STK31: variants seen among roughly 807,000 people sequenced by gnomAD.
STK31 encodes the protein serine/threonine kinase 31.
A neutral mutation model predicts 129.7 loss-of-function variants in STK31; 89 were observed. The ratio of observed to expected loss-of-function variants is 0.69; its 90% CI spans 0.58 to 0.82. The LOEUF (loss-of-function observed/expected upper bound fraction) is 0.82, where lower values mean the gene tolerates loss of function less well. Among genes scored for constraint, STK31 ranks in the 40% least tolerant of loss-of-function variants. The pLI is 0.00. For missense variants in STK31, 1,187 were observed against 1,176.4 expected, an observed-to-expected ratio of 1.01 and a Z score of -0.13; for synonymous variants, 448 against 395.3, an observed-to-expected ratio of 1.13 and a Z score of -1.58.
At position 23,808,943 on chromosome 7, in the gene STK31, T is replaced by TTGTGTGTGTGTGTGTGTGTGTG. The variant is rs1554297249; in HGVS notation, c.2761-6194_2761-6173dup. Among the ~76,000 whole-genome samples the TTGTGTGTGTGTGTGTGTGTGTG allele has an allele frequency of 1.3e-3, 113 of 84,512 alleles. 1 individual carries two copies. In the Middle Eastern group the frequency reaches 0.015, roughly 12 times the overall value. 55.4% of individuals were successfully genotyped at this position (84,512 alleles called of 152,430 possible). A position where few individuals can be genotyped will look rare whatever the true frequency, so the allele number is the denominator to read the frequency against. On this transcript the variant is annotated intron_variant, in intron 22 of 23. Coordinates refer to ENST00000355870, the MANE Select transcript of STK31 (RefSeq NM_031414.5). ...AGGAAGCAGGCTTTTCTTGGAGCTT[T>TTGTGTGTGTGTGTGTGTGTGTG]TGTGTGTGTGTGTGTGTGTGTGTGT...
intron 15 of STK31, among the ~76,000 whole-genome samples, chr7:23,780,192 A>G (rs1405931308): frequency 6.6e-6 from 1 of 151,912 alleles, no homozygotes; most frequent in East Asian, 1.9e-4. Flanking sequence ...TCCCAGTGAG[A>G]TAAGCCGGGT....
At chr7:23,775,218 T>A (rs1790462544) in intron 15 of STK31, among the ~76,000 whole-genome samples, 1 of 152,216 alleles carries the variant, frequency 6.6e-6, no homozygotes, top group African/African-American at 2.4e-5. Flanking sequence ...ACCATGCTGT[T>A]TTGGTTACTG....
At chr7:23,710,113 C>G (rs967697205), upstream of STK31, 2 of 1,152,612 alleles carry the variant, frequency 1.7e-6, no homozygotes, top group South Asian at 3.0e-5. Context: ...CGTCAGGCGG[C>G]TCCCGCACGC....
At chr7:23,795,886 A>G (rs979247384) in intron 22 of STK31, among the ~76,000 whole-genome samples, 1 of 152,230 alleles carries the variant, frequency 6.6e-6, no homozygotes, top group African/African-American at 2.4e-5. Context: ...CCTGTACCCC[A>G]TTGTATCAAG....
At chr7:23,811,521 G>T in intron 22 of STK31, 1 of 279,406 alleles carries the variant, frequency 3.6e-6, no homozygotes, top group South Asian at 4.8e-5. Context: ...CCACCAATGA[G>T]CAAGTCATCA....
chr7:23,756,134 A>G (rs1789068377), intron 10 of STK31, among the ~76,000 whole-genome samples: 1 of 152,162 alleles, frequency 6.6e-6, no homozygotes, highest in South Asian at 2.1e-4. Flanking sequence ...ATGAGGATGG[A>G]ATATTTTTCC....
chr7:23,783,630 G>C lies in STK31; in HGVS notation c.2115G>C (p.Leu705=), dbSNP rs776235517. 3 of 1,612,056 alleles carry C rather than the reference G, an allele frequency of 1.9e-6. No homozygotes were observed. The highest frequency in any genetic ancestry group is 2.2e-5 in the East Asian group (1 of 44,786). The stretch of plus-strand genomic sequence containing the variant: ...AGAAATGGTTCCCTGAGCTGCCTCT[G>C]CTTCATCCTGAAATAGGATTACTCA... ...LAQKWFPELP[L]LHPEIGLLKY... Residue 705 remains leucine, a synonymous_variant, in exon 17 of 24, where the codon CTG becomes CTC. Transcript: ENST00000355870.
intron 4 of STK31, among the ~76,000 whole-genome samples, chr7:23,718,105 T>C (rs972593523): frequency 2.0e-5 from 3 of 152,170 alleles, no homozygotes; most frequent in Non-Finnish European, 4.4e-5. Context: ...TTTTATGTTA[T>C]GTATAGTTTA....
rs537953691 is a variant in STK31, at chr7:23,831,692, C to T, written c.2830-444C>T. On this transcript the variant is annotated intron_variant, in intron 23 of 23. Coordinates refer to ENST00000355870, the MANE Select transcript of STK31 (RefSeq NM_031414.5). Reference sequence around the variant, plus strand: ...TCATTGTGGTTTGGTGGTTTTCTGTCGTGGTAACACTTGAATTATTTCTTT... The same window carrying T: ...TCATTGTGGTTTGGTGGTTTTCTGTTGTGGTAACACTTGAATTATTTCTTT... Among the ~76,000 whole-genome samples, 443 of 150,734 alleles carry T rather than the reference C, an allele frequency of 2.9e-3. 3 individuals are homozygous for T. Among genetic ancestry groups the T allele is most frequent in the Non-Finnish European group, 5.1e-3 (342 of 67,006 alleles).
intron 23 of STK31, among the ~76,000 whole-genome samples, chr7:23,822,118 G>C (rs1055728589): frequency 3.3e-5 from 5 of 151,972 alleles, no homozygotes; most frequent in Non-Finnish European, 5.9e-5. Context: ...TTGACTATTT[G>C]TGCTCTTTTT....
Position 23,797,186 on chromosome 7 carries a change from G to A in STK31, c.2760+6240G>A, listed in dbSNP as rs182052237. ...TAGTGGGAGACTTTAACACCCCACCGTCAATATTAGACAGATCAACGAGAC... is the reference window on the plus strand; with the variant it reads ...TAGTGGGAGACTTTAACACCCCACCATCAATATTAGACAGATCAACGAGAC... On this transcript the variant is annotated intron_variant, in intron 22 of 23. Coordinates refer to ENST00000355870, the MANE Select transcript of STK31 (RefSeq NM_031414.5). 2.0e-3 allele frequency among the ~76,000 whole-genome samples: 298 copies of A among 150,168 alleles called. 1 individual carries two copies. Among genetic ancestry groups the A allele is most frequent in the African/African-American group, 6.9e-3 (284 of 41,378 alleles).
rs185483680 is a variant in STK31 at position 23,740,807 on chromosome 7, C to G, written c.1017+3729C>G. Among the ~76,000 whole-genome samples the G allele has an allele frequency of 1.3e-4, 20 of 152,204 alleles. No homozygotes were observed. In the East Asian group the frequency reaches 3.9e-3, roughly 29 times the overall value. On this transcript the variant is annotated intron_variant, in intron 8 of 23. Transcript: ENST00000355870. ...GATGGTTTCCAGCTTCATCCATGTC[C>G]CTACAAAGGACATTAACTCATCATT...
At chr7:23,743,313 A>G (rs909917875) in intron 8 of STK31, among the ~76,000 whole-genome samples, 6 of 152,272 alleles carry the variant, frequency 3.9e-5, no homozygotes, top group Admixed American at 1.3e-4. Context: ...TCCCTTAAGC[A>G]TCTCTTGTAG....
In STK31 at chr7:23,801,628, T is replaced by G. The variant is rs1481122458; in HGVS notation, c.2760+10682T>G. ...GAACTCTTCGCATAACCCAAAGACT[T>G]GAATATTTTTTCTTATATTTTCTTC... On this transcript the variant is annotated intron_variant, in intron 22 of 23. Transcript: ENST00000355870. Among the ~76,000 whole-genome samples, 4 of 152,184 alleles carry G rather than the reference T, an allele frequency of 2.6e-5. No homozygotes were observed. The East Asian group carries it at 5.8e-4, about 22-fold the overall frequency.
chr7:23,823,501 T>A lies in STK31; in HGVS notation c.2829+8289T>A, dbSNP rs2128131059. Among the ~76,000 whole-genome samples, 3 of 152,328 alleles carry A rather than the reference T, an allele frequency of 2.0e-5. No individual in the cohort carries two copies. The East Asian group carries it at 5.8e-4, about 29-fold the overall frequency. On this transcript the variant is annotated intron_variant, in intron 23 of 23. Coordinates refer to ENST00000355870, the MANE Select transcript of STK31 (RefSeq NM_031414.5). The stretch of plus-strand genomic sequence containing the variant: ...CATTGTAGATTCTGGATATTAGCCC[T>A]TTGTCAGATGAGTAGGTTGCAAAAA...
intron 5 of STK31, 85 bp downstream of exon 5, chr7:23,727,400 T>TACTACGAATAAGCAATGAAGG: frequency 8.8e-7 from 1 of 1,138,098 alleles, no homozygotes; most frequent in Non-Finnish European, 1.3e-6. Flanking sequence ...AGCCCTTCAT[T>TACTACGAATAAGCAATGAAGG]GCTTATTCGT....
At chr7:23,818,734 C>T (rs1177825293) in intron 23 of STK31, among the ~76,000 whole-genome samples, 3 of 152,140 alleles carry the variant, frequency 2.0e-5, no homozygotes, top group Non-Finnish European at 4.4e-5. Flanking sequence ...AAGTGATTCT[C>T]GTGCCTCAGC....
chr7:23,814,149 A>ATTTTTTTTTTTTT (rs371961794), intron 22 of STK31, among the ~76,000 whole-genome samples: 1 of 119,218 alleles, frequency 8.4e-6, no homozygotes, highest in South Asian at 2.7e-4. Flanking sequence ...TGGCTCACTT[A>ATTTTTTTTTTTTT]TTTTTTTTTT....
At chr7:23,822,736 A>G (rs1793863005) in intron 23 of STK31, among the ~76,000 whole-genome samples, 1 of 151,938 alleles carries the variant, frequency 6.6e-6, no homozygotes, top group Admixed American at 6.6e-5. Flanking sequence ...TGTATCTCCT[A>G]ATGCTGTCCC....
Sources: gnomAD v4.1 joint callset for allele counts (sites outside exome capture counted in the v4.1 genomes callset) on GRCh38, gnomAD v4.1.1 for gene constraint, MANE v1.5 for transcripts, NCBI Gene and HGNC (gene_info 2026-07-23, HGNC 2026-07-21) for gene names.